Variants in WWOX observed in about 807,000 individuals in gnomAD.
WWOX encodes WW domain containing oxidoreductase, also known as WW domain-containing oxidoreductase.
A neutral mutation model predicts 46.2 loss-of-function variants in WWOX; 69 were observed. The ratio of observed to expected loss-of-function variants is 1.49; its 90% CI spans 1.23 to 1.82. WWOX has a LOEUF of 1.82. WWOX is among the 40% of genes most tolerant of loss of function. The pLI, the probability that WWOX is intolerant of heterozygous loss-of-function variation, is 0.00. For synonymous variants in WWOX, 359 were observed against 202.6 expected (o/e 1.77, Z -6.56); for missense variants, 919 against 542.6 (o/e 1.69, Z -6.89).
intron 5 of WWOX, among the ~76,000 whole-genome samples, chr16:78,323,929 C>T (rs891886293): frequency 6.6e-6 from 1 of 152,110 alleles, no homozygotes; most frequent in Non-Finnish European, 1.5e-5. Flanking sequence ...ATAGATGCCC[C>T]TTTACTGAGC....
intron 8 of WWOX, among the ~76,000 whole-genome samples, chr16:78,914,814 G>T (rs2045205450): frequency 6.7e-6 from 1 of 148,772 alleles, no homozygotes; most frequent in South Asian, 2.2e-4. Context: ...AGGAGGCGGA[G>T]CTTGCAGTGA....
intron 8 of WWOX, among the ~76,000 whole-genome samples, chr16:78,812,144 A>G (rs1239101707): frequency 4.6e-5 from 7 of 152,100 alleles, no homozygotes; most frequent in Non-Finnish European, 1.0e-4. Flanking sequence ...GTAGGTACCA[A>G]TGCATGGCAA....
At chr16:78,575,022 AATATATATATATATATAT>A (rs1215227335) in intron 8 of WWOX, among the ~76,000 whole-genome samples, 5 of 13,992 alleles carry the variant, frequency 3.6e-4, no homozygotes, top group African/African-American at 9.3e-4. Flanking sequence ...TATATATATA[AATATATATATATATATAT>A]ATATATATAT....
At chr16:78,333,808 A>G (rs1219928793) in intron 5 of WWOX, among the ~76,000 whole-genome samples, 3 of 152,256 alleles carry the variant, frequency 2.0e-5, no homozygotes, top group Non-Finnish European at 4.4e-5. Flanking sequence ...TCTTGAAGAC[A>G]TACTTGAATT....
intron 8 of WWOX, among the ~76,000 whole-genome samples, chr16:78,774,519 TGTGTGTGTGTGTGCGC>T (rs2050141586): frequency 9.8e-6 from 1 of 102,536 alleles, no homozygotes; most frequent in Admixed American, 9.9e-5. Context: ...TGTGTGTGTG[TGTGTGTGTGTGTGCGC>T]GTGCGCACAC....
At chr16:78,642,246 C>A (rs2046737278) in intron 8 of WWOX, among the ~76,000 whole-genome samples, 1 of 152,144 alleles carries the variant, frequency 6.6e-6, no homozygotes, top group African/African-American at 2.4e-5. Context: ...TGTTGACTTA[C>A]TGCAAGGTTA....
At chr16:78,108,355 A>C in intron 1 of WWOX, 68 bp from the exon 2 acceptor site, 1 of 1,508,558 alleles carries the variant, frequency 6.6e-7, no homozygotes, top group East Asian at 2.4e-5. Context: ...AAAAAATTTA[A>C]TACAATTGAT....
chr16:78,543,206 C>G (rs1430588777), intron 8 of WWOX, among the ~76,000 whole-genome samples: 1 of 152,210 alleles, frequency 6.6e-6, no homozygotes, highest in Non-Finnish European at 1.5e-5. Flanking sequence ...CCTTCTTGAT[C>G]TCCAGTTAGG....
At chr16:79,113,355 C>A (rs186292465) in intron 8 of WWOX, among the ~76,000 whole-genome samples, 1 of 152,166 alleles carries the variant, frequency 6.6e-6, no homozygotes, top group Non-Finnish European at 1.5e-5. Flanking sequence ...TATGCCCCAT[C>A]AGGGGGCAAA....
chr16:79,061,715 AT>A (rs2048360630), intron 8 of WWOX, among the ~76,000 whole-genome samples: 1 of 152,190 alleles, frequency 6.6e-6, no homozygotes. Context: ...GCATGTCCTA[AT>A]TTTGCTCAGG....
In WWOX at chr16:78,690,549, C is replaced by G. The variant is rs149593707; in HGVS notation, c.1056+257797C>G. 9.8e-3 allele frequency among the ~76,000 whole-genome samples: 1,487 copies of G among 152,062 alleles called. 16 individuals carry two copies. Among genetic ancestry groups the G allele is most frequent in the Middle Eastern group, 0.024 (7 of 292 alleles). On this transcript the variant is annotated intron_variant, in intron 8 of 8. Transcript: ENST00000566780. ...CCTGGGCGACAGAATGAGACCCTGTCTGAAAATTAAAAAAAGAAGAAGAAA... is the reference window on the plus strand; with the variant it reads ...CCTGGGCGACAGAATGAGACCCTGTGTGAAAATTAAAAAAAGAAGAAGAAA...
chr16:78,127,542 G>C lies in WWOX; in HGVS notation c.409+12388G>C, dbSNP rs151235900. Among the ~76,000 whole-genome samples the C allele has an allele frequency of 9.7e-3, 1,422 of 146,270 alleles. 20 individuals carry two copies. The highest frequency in any genetic ancestry group is 0.034 in the African/African-American group (1,344 of 39,212). ...AAAAAAAAAAAAACCACCGAGACGA[G>C]GTTATTTTTGTTACAGTCAAGGAAC... On this transcript the variant is annotated intron_variant, in intron 4 of 8. Coordinates refer to ENST00000566780, the MANE Select transcript of WWOX (RefSeq NM_016373.4).
chr16:78,356,373 A>T (rs1206041490), intron 5 of WWOX, among the ~76,000 whole-genome samples: 1 of 152,160 alleles, frequency 6.6e-6, no homozygotes, highest in Non-Finnish European at 1.5e-5. Context: ...TAAGTAGTAA[A>T]GATTCAAAGC....
At chr16:78,969,188 C>G (rs528747968) in intron 8 of WWOX, among the ~76,000 whole-genome samples, 2 of 151,982 alleles carry the variant, frequency 1.3e-5, no homozygotes, top group Admixed American at 6.5e-5. Flanking sequence ...GTCACAAACC[C>G]TAGCATGCTC....
chr16:78,164,937 C>A (rs1187247125), intron 5 of WWOX, among the ~76,000 whole-genome samples: 1 of 152,164 alleles, frequency 6.6e-6, no homozygotes, highest in Non-Finnish European at 1.5e-5. Context: ...AAAGTTGTGA[C>A]ATTTGATCTG....
intron 4 of WWOX, among the ~76,000 whole-genome samples, chr16:78,144,454 T>TATATATACAC (rs2034106787): frequency 5.8e-5 from 2 of 34,464 alleles, no homozygotes; most frequent in Non-Finnish European, 1.1e-4. Flanking sequence ...TATACACATA[T>TATATATACAC]ATATATATAC....
At position 78,432,634 on chromosome 16, in the gene WWOX, C is replaced by T; in HGVS notation, c.938C>T (p.Pro313Leu). ...FSNELHRRLSPRGVTSNAVHP... is the reference protein window; with the variant it reads ...FSNELHRRLSLRGVTSNAVHP... ...AACGAGCTGCACCGTCGCCTCTCCC[C>T]ACGCGGGGTCACGTCGAACGCAGTG... Residue 313 changes from proline to leucine, a missense_variant, in exon 8 of 9, where the codon CCA becomes CTA. Pro to Leu is a moderately conservative substitution (Grantham distance 98, BLOSUM62 -3). Coordinates refer to ENST00000566780, the MANE Select transcript of WWOX (RefSeq NM_016373.4). 7 of 1,614,220 alleles carry T rather than the reference C, an allele frequency of 4.3e-6. No homozygotes were observed. Among genetic ancestry groups the T allele is most frequent in the Non-Finnish European group, 5.1e-6 (6 of 1,180,042 alleles).
chr16:78,147,615 C>T (rs7197602), intron 4 of WWOX, among the ~76,000 whole-genome samples: 3,381 of 148,778 alleles, frequency 0.023, 143 homozygotes, highest in African/African-American at 0.08. Context: ...TAATATACCA[C>T]TTTTCGCTTT....
At chr16:78,816,872 A>T (rs1053776803) in intron 8 of WWOX, among the ~76,000 whole-genome samples, 2 of 151,924 alleles carry the variant, frequency 1.3e-5, no homozygotes, top group Non-Finnish European at 1.5e-5. Context: ...ATTTTTCATC[A>T]CCTGGTTACA....
Sources: gnomAD v4.1 joint callset for allele counts (sites outside exome capture counted in the v4.1 genomes callset) on GRCh38, gnomAD v4.1.1 for gene constraint, MANE v1.5 for transcripts, NCBI Gene and HGNC (gene_info 2026-07-23, HGNC 2026-07-21) for gene names.